ARID4B: variants seen among roughly 807,000 people sequenced by gnomAD.
The protein encoded by ARID4B is AT-rich interactive domain-containing protein 4B.
Under a neutral mutation model 147.5 loss-of-function variants are expected in ARID4B, and 26 were observed. The observed-to-expected ratio is 0.18, with a 90% CI of 0.13 to 0.24. ARID4B has a LOEUF of 0.24. Ranked by LOEUF, ARID4B falls within the 10% of genes least tolerant of loss-of-function variation. The probability of loss-of-function intolerance (pLI) is 1.00; values close to 1 mark genes in which losing one functional copy is unlikely to be tolerated. For missense variants in ARID4B, 1,179 were observed against 1,511.5 expected, an observed-to-expected ratio of 0.78 and a Z score of 3.65; for synonymous variants, 512 against 507.9, an observed-to-expected ratio of 1.01 and a Z score of -0.11.
chr1:235,205,305 A>T (rs746252839), intron 17 of ARID4B, among the ~76,000 whole-genome samples: 4 of 152,212 alleles, frequency 2.6e-5, no homozygotes, highest in South Asian at 2.1e-4. Context: ...TGACTTAAAA[A>T]TTTTTTAAGG....
chr1:235,233,367 T>C (rs748729633), intron 9 of ARID4B, among the ~76,000 whole-genome samples: 4 of 152,058 alleles, frequency 2.6e-5, no homozygotes, highest in African/African-American at 9.6e-5. Flanking sequence ...CAAAGGGTCA[T>C]GGCTGCAGTG....
chr1:235,293,582 T>C (rs1182406713), intron 2 of ARID4B, among the ~76,000 whole-genome samples: 1 of 152,028 alleles, frequency 6.6e-6, no homozygotes, highest in South Asian at 2.1e-4. Context: ...CAAAAGCAAA[T>C]TGTTGCTCAA....
chr1:235,175,424 T>C (rs751180880), intron 21 of ARID4B, 25 bp from the exon 22 acceptor site: 1 of 1,547,242 alleles, frequency 6.5e-7, no homozygotes, highest in African/African-American at 1.4e-5. Context: ...AAAGATTTAA[T>C]AAACAAAAAT....
intron 2 of ARID4B, among the ~76,000 whole-genome samples, chr1:235,286,841 G>GT (rs1672005166): frequency 6.6e-6 from 1 of 152,216 alleles, no homozygotes. Context: ...AGACAGATCA[G>GT]TTAGGAATCT....
At chr1:235,309,997 A>G (rs1461237906) in intron 2 of ARID4B, among the ~76,000 whole-genome samples, 1 of 151,990 alleles carries the variant, frequency 6.6e-6, no homozygotes, top group Non-Finnish European at 1.5e-5. Context: ...CTTAAGAGTC[A>G]TCACCACTCC....
intron 2 of ARID4B, among the ~76,000 whole-genome samples, chr1:235,322,830 G>A (rs1165955065): frequency 6.6e-6 from 1 of 151,924 alleles, no homozygotes; most frequent in Non-Finnish European, 1.5e-5. Flanking sequence ...AGAACAGAGA[G>A]GGGGGAACGA....
At chr1:235,209,430 C>G (rs573103042) in intron 17 of ARID4B, among the ~76,000 whole-genome samples, 1 of 151,922 alleles carries the variant, frequency 6.6e-6, no homozygotes, top group African/African-American at 2.4e-5. Flanking sequence ...GATATCACGG[C>G]GCTGCACTCC....
chr1:235,223,421 G>T (rs900234205), intron 12 of ARID4B, among the ~76,000 whole-genome samples, 161 bp from the exon 13 acceptor site: 6 of 136,804 alleles, frequency 4.4e-5, no homozygotes, highest in Non-Finnish European at 9.1e-5. Flanking sequence ...ACATATATAT[G>T]TATATATATA....
chr1:235,204,326 T>G (rs1176526179), intron 17 of ARID4B, among the ~76,000 whole-genome samples: 1 of 152,046 alleles, frequency 6.6e-6, no homozygotes, highest in Non-Finnish European at 1.5e-5. Flanking sequence ...CGCTTCAAAA[T>G]AAAATAAAAT....
In ARID4B at chr1:235,200,885, T is replaced by TG. The variant is rs1017173008; in HGVS notation, c.1842-4771dup. On this transcript the variant is annotated intron_variant, in intron 17 of 23. Transcript: ENST00000264183. ...TAGGCCAGGCCCGGTGGCTTATGCC[T>TG]GTAATCCTAGCACTTTGGGAGGCCG... 1.3e-3 allele frequency among the ~76,000 whole-genome samples: 191 copies of TG among 152,336 alleles called. 1 individual carries two copies. The highest frequency in any genetic ancestry group is 4.5e-3 in the African/African-American group (187 of 41,574).
intron 16 of ARID4B, among the ~76,000 whole-genome samples, chr1:235,215,426 A>C (rs995781483): frequency 1.3e-5 from 2 of 152,076 alleles, no homozygotes; most frequent in African/African-American, 4.8e-5. Context: ...CAGATAGTTT[A>C]GTATTTAAGC....
chr1:235,182,186 G>A lies in ARID4B; in HGVS notation c.2733C>T (p.Asn911=), dbSNP rs143982965. Residue 911 remains asparagine (N), a synonymous_variant, in exon 20 of 24, where the codon AAC becomes AAT. Coordinates refer to ENST00000264183, the MANE Select transcript of ARID4B (RefSeq NM_016374.6). ...TGCTGTTTTGAAGTCTTTCATCAGAGTTATTTAAAAGTTTAATCCTTTTTT... is the reference window on the plus strand; with the variant it reads ...TGCTGTTTTGAAGTCTTTCATCAGAATTATTTAAAAGTTTAATCCTTTTTT... ...VAEKRIKLLN[N]SDERLQNSRA... 6 of 1,613,998 alleles carry A rather than the reference G, an allele frequency of 3.7e-6. No homozygotes were observed. In the African/African-American group the frequency reaches 8.0e-5, roughly 22 times the overall value.
At chr1:235,257,470 AT>A (rs759583270) in intron 3 of ARID4B, among the ~76,000 whole-genome samples, 7,406 of 144,076 alleles carry the variant, frequency 0.051, 215 homozygotes, top group Non-Finnish European at 0.066. Context: ...TCCACATGTC[AT>A]TTTTTTTTTT....
intron 2 of ARID4B, among the ~76,000 whole-genome samples, chr1:235,280,962 A>G (rs1332186208): frequency 6.6e-6 from 1 of 152,174 alleles, no homozygotes; most frequent in African/African-American, 2.4e-5. Flanking sequence ...CGAAAAAAAA[A>G]GAGTCCTGAG....
intron 2 of ARID4B, among the ~76,000 whole-genome samples, chr1:235,319,813 G>A (rs1674697231): frequency 6.6e-6 from 1 of 151,960 alleles, no homozygotes; most frequent in South Asian, 2.1e-4. Context: ...CCAACATGGT[G>A]AAACCCCATT....
intron 2 of ARID4B, among the ~76,000 whole-genome samples, chr1:235,323,511 G>C (rs188026199): frequency 2.0e-3 from 306 of 152,230 alleles, no homozygotes; most frequent in African/African-American, 6.8e-3. Flanking sequence ...TCGGCCGGGC[G>C]CAGTGGCTCA....
At position 235,321,413 on chromosome 1, in the gene ARID4B, A is replaced by G. The variant is rs1334218588; in HGVS notation, c.6+5501T>C. Among the ~76,000 whole-genome samples the G allele has an allele frequency of 3.9e-5, 6 of 152,304 alleles. No individual in the cohort carries two copies. The East Asian group carries it at 9.6e-4, about 24-fold the overall frequency. The stretch of plus-strand genomic sequence containing the variant: ...TCTTACATCTTAACTAGCAGGTCCA[A>G]TGACAGCATGCTTCAAATGACAGTA... On this transcript the variant is annotated intron_variant, in intron 2 of 23. Transcript: ENST00000264183.
chr1:235,221,810 G>T, intron 13 of ARID4B, 148 bp from the exon 14 acceptor site: 3 of 326,358 alleles, frequency 9.2e-6, no homozygotes, highest in South Asian at 2.3e-4. Context: ...TTCTAAATTT[G>T]GTTTAAAAAT....
chr1:235,173,766 AAAAAAATATATATATATAT>A (rs1663585439), intron 22 of ARID4B, among the ~76,000 whole-genome samples: 2 of 48,178 alleles, frequency 4.2e-5, no homozygotes, highest in Admixed American at 5.2e-4. Flanking sequence ...AAAAAAAAAA[AAAAAAATATATATATATAT>A]ATATATATAT....
Sources: allele counts gnomAD v4.1 joint callset (sites outside exome capture counted in the v4.1 genomes callset), GRCh38; gene constraint gnomAD v4.1.1; transcripts MANE v1.5; gene names NCBI Gene and HGNC (gene_info 2026-07-23, HGNC 2026-07-21).